The following HMCN2 variants were observed in gnomAD, a reference collection of about 807,000 sequenced individuals.
HMCN2 encodes hemicentin-2.
A neutral mutation model predicts 377.5 loss-of-function variants in HMCN2; 325 were observed. The ratio of observed to expected loss-of-function variants is 0.86; its 90% CI spans 0.79 to 0.94. HMCN2 has a LOEUF of 0.94. HMCN2 is among the 40% of genes least tolerant of loss of function. The pLI is 0.00. For synonymous variants in HMCN2, 2,007 were observed against 2,046.8 expected (o/e 0.98, Z 0.53); for missense variants, 4,543 against 4,725.3 (o/e 0.96, Z 1.13).
At chr9:130,412,559 T>TTC in intron 85 of HMCN2, among the ~76,000 whole-genome samples, 1 of 89,078 alleles carries the variant, frequency 1.1e-5, no homozygotes, top group Non-Finnish European at 2.3e-5. Flanking sequence ...TTTCTTTTCT[T>TTC]TCTTTCTCTT....
intron 4 of HMCN2, among the ~76,000 whole-genome samples, chr9:130,287,196 C>T (rs1452237404): frequency 1.3e-5 from 2 of 152,158 alleles, no homozygotes; most frequent in Non-Finnish European, 2.9e-5. Flanking sequence ...AGGTCCCTCC[C>T]GCTTGTCCCC....
In HMCN2 at chr9:130,433,564, C is replaced by A. The variant is rs557085537; in HGVS notation, c.15111C>A (p.Gly5037=). The change falls in exon 98 of 98, where the codon GGC becomes GGA. Residue 5037 remains glycine, a synonymous_variant. Coordinates refer to ENST00000683500, the MANE Select transcript of HMCN2 (RefSeq NM_001291815.2). ...TCGCGCTGCGTCCGCTGCGCGCGGG[C>A]CTTGGCGCGGTCTACACCCGTCGCG... ...SPFALRPLRA[G]LGAVYTRRAL... 2 of 1,476,834 alleles carry A rather than the reference C, an allele frequency of 1.4e-6. No individual in the cohort carries two copies. Among genetic ancestry groups the A allele is most frequent in the South Asian group, 1.3e-5 (1 of 74,686 alleles). 91.5% of individuals were successfully genotyped at this position (1,476,834 alleles called of 1,614,324 possible).
At position 130,313,206 on chromosome 9, in the gene HMCN2, G is replaced by A. The variant is rs1013717315; in HGVS notation, c.2350+3145G>A. On this transcript the variant is annotated intron_variant, in intron 15 of 97. Coordinates refer to ENST00000683500, the MANE Select transcript of HMCN2 (RefSeq NM_001291815.2). ...CCTGCCTATCTGGGTGGCAGCTGTC[G>A]TCCAGCCTTCCTGGCCAGACTGGCA... Among the ~76,000 whole-genome samples the A allele has an allele frequency of 9.3e-5, 14 of 149,758 alleles. 1 individual carries two copies. Among genetic ancestry groups the A allele is most frequent in the East Asian group, 3.9e-4 (2 of 5,178 alleles).
chr9:130,358,953 C>A (rs557660578), intron 36 of HMCN2, among the ~76,000 whole-genome samples: 66 of 152,348 alleles, frequency 4.3e-4, no homozygotes, highest in African/African-American at 1.4e-3. Flanking sequence ...GGATCACAGG[C>A]GTGAGCCACG....
chr9:130,432,743 C>A, intron 97 of HMCN2, 188 bp downstream of exon 97: 1 of 624,130 alleles, frequency 1.6e-6, no homozygotes. Context: ...CACACCAAAC[C>A]CCAGACACAG....
At chr9:130,433,106 A>C (rs1254947694) in intron 97 of HMCN2, 2 of 462,718 alleles carry the variant, frequency 4.3e-6, no homozygotes, top group Admixed American at 8.3e-5. Context: ...ATGGATCCCG[A>C]AAGTCCGCTG....
chr9:130,387,060 T>C (rs1487017535), intron 61 of HMCN2, among the ~76,000 whole-genome samples: 1 of 152,218 alleles, frequency 6.6e-6, no homozygotes, highest in Non-Finnish European at 1.5e-5. Flanking sequence ...GAAGGAGCCC[T>C]ATGAGATCAG....
intron 94 of HMCN2, 94 bp downstream of exon 94, chr9:130,429,779 C>T: frequency 1.4e-6 from 2 of 1,444,860 alleles, no homozygotes; most frequent in Admixed American, 2.8e-5. Flanking sequence ...GTTACGGGGA[C>T]ACCCACCCTC....
intron 62 of HMCN2, among the ~76,000 whole-genome samples, chr9:130,390,226 T>C (rs1842236058): frequency 1.3e-5 from 2 of 152,132 alleles, no homozygotes; most frequent in African/African-American, 4.8e-5. Flanking sequence ...TCAGCGGAGA[T>C]TCACCACCTC....
At chr9:130,270,963 T>C (rs1275139255) in intron 1 of HMCN2, among the ~76,000 whole-genome samples, 1 of 149,034 alleles carries the variant, frequency 6.7e-6, no homozygotes, top group East Asian at 1.9e-4. Context: ...CTCCTCAGGT[T>C]GTGAGTTTCT....
intron 22 of HMCN2, among the ~76,000 whole-genome samples, chr9:130,333,225 G>T (rs879136161): frequency 6.6e-6 from 1 of 152,084 alleles, no homozygotes; most frequent in East Asian, 1.9e-4. Flanking sequence ...ATCAGACAGC[G>T]TAATGACAGG....
At chr9:130,410,910 C>T (rs568067815) in intron 85 of HMCN2, among the ~76,000 whole-genome samples, 18 of 152,240 alleles carry the variant, frequency 1.2e-4, no homozygotes, top group Non-Finnish European at 2.2e-4. Context: ...TCAAGATCAC[C>T]GCGACAGCTC....
In HMCN2 at chr9:130,425,660, C is replaced by T. The variant is rs76344778; in HGVS notation, c.13642-27C>T. 7.7e-3 allele frequency: 9,000 copies of T among 1,169,708 alleles called. 510 individuals carry two copies. The African/African-American group carries it at 0.12, about 16-fold the overall frequency. The allele number at this position is 1,169,708 out of a possible 1,614,324, so 72.5% of individuals were successfully genotyped here. ...TTTCTCCCTCTCCCCCACCCCTCCT[C>T]CTCCTCCCCTCCTCTTCATCCTGCA... On this transcript the variant is annotated intron_variant, in intron 89 of 97. Transcript: ENST00000683500.
chr9:130,275,888 C>T (rs1175642165), intron 1 of HMCN2, among the ~76,000 whole-genome samples: 1 of 129,124 alleles, frequency 7.7e-6, no homozygotes, highest in African/African-American at 3.0e-5. Context: ...CTGAGCGGCC[C>T]GTGAGGTGTG....
At chr9:130,330,968 AAC>A (rs1173053980) in intron 22 of HMCN2, among the ~76,000 whole-genome samples, 1,678 of 131,486 alleles carry the variant, frequency 0.013, 27 homozygotes, top group African/African-American at 0.032. Flanking sequence ...TCTCTACTGA[AAC>A]ACACACACAC....
chr9:130,310,231 A>G (rs1837168111), intron 15 of HMCN2, among the ~76,000 whole-genome samples, 170 bp downstream of exon 15: 1 of 152,250 alleles, frequency 6.6e-6, no homozygotes, highest in Non-Finnish European at 1.5e-5. Flanking sequence ...CGGTGCATGC[A>G]TCAGCTCTTG....
Position 130,392,083 on chromosome 9 carries a change from G to A in HMCN2, c.10101G>A (p.Gln3367=). The change falls in exon 66 of 98, where the codon CAG becomes CAA. Residue 3367 remains glutamine, a synonymous_variant. Coordinates refer to ENST00000683500, the MANE Select transcript of HMCN2 (RefSeq NM_001291815.2). ...ACGGCCTGCCCCTCCCGCTCTCCCAGCGCACCCTCCTCCACGGCTCTGGCC... is the reference window on the plus strand; with the variant it reads ...ACGGCCTGCCCCTCCCGCTCTCCCAACGCACCCTCCTCCACGGCTCTGGCC... ...LKDGLPLPLS[Q]RTLLHGSGHT... 3.0e-6 allele frequency: 3 copies of A among 988,528 alleles called. No individual in the cohort carries two copies. The highest frequency in any genetic ancestry group is 3.6e-6 in the Non-Finnish European group (3 of 830,542). The allele number at this position is 988,528 out of a possible 1,614,324, so 61.2% of individuals were successfully genotyped here. A position where few individuals can be genotyped will look rare whatever the true frequency, so the allele number is the denominator to read the frequency against.
At position 130,304,305 on chromosome 9, in the gene HMCN2, G is replaced by A. The variant is rs1359771152; in HGVS notation, c.1544-425G>A. On this transcript the variant is annotated intron_variant, in intron 10 of 97. Transcript: ENST00000683500. The surrounding 1 kb of genome is among the most constrained non-coding windows in gnomAD (Gnocchi z 4.3). Reference sequence around the variant, plus strand: ...TTGCTTAGCGCTTTCCTCCTTGGGGGCATATTTGGCTGCTATAAATAGCCC... The same window carrying A: ...TTGCTTAGCGCTTTCCTCCTTGGGGACATATTTGGCTGCTATAAATAGCCC... 6.6e-6 allele frequency among the ~76,000 whole-genome samples: 1 copy of A among 152,144 alleles called. No homozygotes were observed. The highest frequency in any genetic ancestry group is 6.5e-5 in the Admixed American group (1 of 15,282).
Position 130,299,177 on chromosome 9 carries a change from C to T in HMCN2, c.1165C>T (p.Pro389Ser), listed in dbSNP as rs1554933305. ...NGSTHQLWGG[P>S]PFHTPKERFY... ...CTCCACCCATCAGCTGTGGGGCGGG[C>T]CGCCCTTCCACACCCCCAAGGAGCG... The change falls in exon 8 of 98, where the codon CCG becomes TCG. Residue 389 changes from proline (P) to serine (S), a missense_variant. By Grantham distance (74) the Pro-to-Ser change is moderately conservative. This residue lies in a region of HMCN2 where 547 missense variants were observed against 189.9 expected (regional missense o/e 2.88). Transcript: ENST00000683500. 2.1e-6 allele frequency: 1 copy of T among 471,120 alleles called. No homozygotes were observed. Among genetic ancestry groups the T allele is most frequent in the Non-Finnish European group, 4.4e-6 (1 of 227,032 alleles). 29.2% of individuals were successfully genotyped at this position (471,120 alleles called of 1,614,324 possible). A position where few individuals can be genotyped will look rare whatever the true frequency, so the allele number is the denominator to read the frequency against.
Sources: gnomAD v4.1 joint callset for allele counts (sites outside exome capture counted in the v4.1 genomes callset) on GRCh38, gnomAD v4.1.1 for gene constraint, gnomAD v4.1.1 regional missense constraint, Gnocchi (gnomAD v3.1) non-coding constraint, MANE v1.5 for transcripts, NCBI Gene and HGNC (gene_info 2026-07-23, HGNC 2026-07-21) for gene names.